Variants in MICU3 observed in about 807,000 individuals in gnomAD.
MICU3 encodes calcium uptake protein 3, mitochondrial.
A neutral mutation model predicts 66.5 loss-of-function variants in MICU3; 62 were observed. The ratio of observed to expected loss-of-function variants is 0.93; its 90% CI spans 0.76 to 1.15. The LOEUF is 1.15. Among genes scored for constraint, MICU3 ranks in the 50% most tolerant of loss-of-function variants. The pLI, the probability that MICU3 is intolerant of heterozygous loss-of-function variation, is 0.00. For missense variants in MICU3, 779 were observed against 664.4 expected, an observed-to-expected ratio of 1.17 and a Z score of -1.90; for synonymous variants, 308 against 240.7, an observed-to-expected ratio of 1.28 and a Z score of -2.59.
chr8:17,049,728 C>A (rs1024404053), intron 1 of MICU3: 3 of 490,224 alleles, frequency 6.1e-6, no homozygotes, highest in African/African-American at 5.9e-5. Context: ...GTCCCAGACC[C>A]ATTTGCTGCC....
chr8:17,039,325 G>A (rs181658014), intron 1 of MICU3, among the ~76,000 whole-genome samples: 32 of 152,308 alleles, frequency 2.1e-4, no homozygotes, highest in African/African-American at 7.2e-4. Flanking sequence ...TCCGAAGTAT[G>A]CCTGTAAATG....
the MICU3 span, among the ~76,000 whole-genome samples, chr8:17,135,594 C>T: frequency 2.0e-5 from 3 of 152,054 alleles, no homozygotes; most frequent in Non-Finnish European, 4.4e-5. Context: ...TTTGCCCTAT[C>T]TACATTATTG....
At chr8:17,093,002 T>G (rs890810108) in intron 8 of MICU3, among the ~76,000 whole-genome samples, 3 of 152,094 alleles carry the variant, frequency 2.0e-5, no homozygotes, top group Non-Finnish European at 4.4e-5. Flanking sequence ...CTCTGTGGTC[T>G]CTGTAGTGAA....
intron 8 of MICU3, 120 bp from the exon 9 acceptor site, chr8:17,098,338 A>G: frequency 1.3e-6 from 1 of 770,202 alleles, no homozygotes; most frequent in South Asian, 1.4e-5. Flanking sequence ...AAAACAAACA[A>G]ACAAAAAAAG....
At chr8:17,042,255 G>A (rs1029268099) in intron 1 of MICU3, among the ~76,000 whole-genome samples, 135 of 152,208 alleles carry the variant, frequency 8.9e-4, no homozygotes, top group African/African-American at 3.1e-3. Context: ...TGCAGATTTT[G>A]TTATTTTTGT....
chr8:17,112,366 G>C (rs1169579129), intron 11 of MICU3, among the ~76,000 whole-genome samples: 1 of 152,106 alleles, frequency 6.6e-6, no homozygotes, highest in Non-Finnish European at 1.5e-5. Context: ...TTCCATTCAA[G>C]TCCTGATGGT....
At chr8:17,128,889 TA>T in the MICU3 span, among the ~76,000 whole-genome samples, 6 of 152,142 alleles carry the variant, frequency 3.9e-5, no homozygotes, top group Non-Finnish European at 5.9e-5. Context: ...AAAATCTGCA[TA>T]GGGGTACTGT....
At chr8:17,118,855 A>G (rs1802947750) in intron 14 of MICU3, 80 bp downstream of exon 14, 10 of 806,782 alleles carry the variant, frequency 1.2e-5, no homozygotes, top group Non-Finnish European at 1.4e-5. Context: ...ACATTTAGAA[A>G]ATAGCTGAAA....
At chr8:17,073,761 G>A (rs1819956955) in intron 3 of MICU3, among the ~76,000 whole-genome samples, 1 of 152,018 alleles carries the variant, frequency 6.6e-6, no homozygotes, top group Admixed American at 6.6e-5. Flanking sequence ...CAATCATCAG[G>A]CAGGTGAATG....
chr8:17,027,367 C>G lies in MICU3; in HGVS notation c.88C>G (p.Arg30Gly). The G allele has an allele frequency of 6.7e-7, 1 of 1,494,280 alleles. No individual in the cohort carries two copies. The highest frequency in any genetic ancestry group is 8.8e-7 in the Non-Finnish European group (1 of 1,131,336). 92.6% of individuals were successfully genotyped at this position (1,494,280 alleles called of 1,614,324 possible). A position where few individuals can be genotyped will look rare whatever the true frequency, so the allele number is the denominator to read the frequency against. Residue 30 changes from arginine (R) to glycine (G), a missense_variant, in exon 1 of 15, where the codon CGG becomes GGG. Arg to Gly is a moderately radical substitution (Grantham distance 125). Coordinates refer to ENST00000318063, the MANE Select transcript of MICU3 (RefSeq NM_181723.3). The stretch of plus-strand genomic sequence containing the variant: ...CCAGCCCCTCCTTGGGCCGTGGGGG[C>G]GGCCTGCGGTGACCACCCTGGGCCT... ...AHQPLLGPWG[R>G]PAVTTLGLPG...
chr8:17,029,866 G>A (rs1215350140), intron 1 of MICU3, among the ~76,000 whole-genome samples: 26 of 151,782 alleles, frequency 1.7e-4, no homozygotes, highest in Admixed American at 1.7e-3. Context: ...TCTTTTTCTG[G>A]AAATGCTGTT....
intron 1 of MICU3, among the ~76,000 whole-genome samples, chr8:17,053,739 A>G (rs1173526582): frequency 6.6e-6 from 1 of 152,222 alleles, no homozygotes; most frequent in Non-Finnish European, 1.5e-5. Flanking sequence ...TTCAACGTAA[A>G]TTCTCATAAA....
intron 3 of MICU3, among the ~76,000 whole-genome samples, chr8:17,071,355 G>A (rs1819559663): frequency 6.6e-6 from 1 of 152,186 alleles, no homozygotes; most frequent in African/African-American, 2.4e-5. Flanking sequence ...TAGCTTTTAG[G>A]TAGCAATCTT....
At chr8:17,090,225 C>T (rs1054989920) in intron 7 of MICU3, among the ~76,000 whole-genome samples, 12 of 152,058 alleles carry the variant, frequency 7.9e-5, no homozygotes, top group African/African-American at 1.9e-4. Flanking sequence ...TGTAGCATTG[C>T]GGAAGCATGT....
rs116007555 is a variant in MICU3, at chr8:17,067,872, C to T, written c.536-1816C>T. 9.9e-3 allele frequency among the ~76,000 whole-genome samples: 1,501 copies of T among 151,936 alleles called. 33 individuals carry two copies. The highest frequency in any genetic ancestry group is 0.034 in the African/African-American group (1,408 of 41,430). Reference sequence around the variant, plus strand: ...CATTCAACAGGGAAAAAATGGTATGCTGTGTAAATATTTGCTTAAAAATTA... The same window carrying T: ...CATTCAACAGGGAAAAAATGGTATGTTGTGTAAATATTTGCTTAAAAATTA... On this transcript the variant is annotated intron_variant, in intron 2 of 14. Transcript: ENST00000318063.
intron 6 of MICU3, among the ~76,000 whole-genome samples, chr8:17,086,395 C>T (rs562554170): frequency 2.6e-5 from 4 of 152,218 alleles, no homozygotes; most frequent in African/African-American, 9.6e-5. Context: ...AACTCTCACC[C>T]ACGCAGCCCT....
intron 14 of MICU3, among the ~76,000 whole-genome samples, chr8:17,119,248 TTCTA>T: frequency 6.6e-6 from 1 of 152,316 alleles, no homozygotes; most frequent in East Asian, 1.9e-4. Flanking sequence ...TTAAGCTTCA[TTCTA>T]TCTTATTCAT....
chr8:17,110,977 C>A (rs1802155703), intron 11 of MICU3, among the ~76,000 whole-genome samples: 2 of 152,112 alleles, frequency 1.3e-5, no homozygotes, highest in Admixed American at 1.3e-4. Context: ...GTAAATACCA[C>A]AATTTGTTTA....
chr8:17,111,384 A>G (rs184951083), intron 11 of MICU3, among the ~76,000 whole-genome samples: 2 of 152,116 alleles, frequency 1.3e-5, no homozygotes, highest in Non-Finnish European at 2.9e-5. Context: ...GTGCAGTGGC[A>G]TGATCATACT....
Sources: gnomAD v4.1 joint callset for allele counts (sites outside exome capture counted in the v4.1 genomes callset) on GRCh38, gnomAD v4.1.1 for gene constraint, MANE v1.5 for transcripts, NCBI Gene and HGNC (gene_info 2026-07-23, HGNC 2026-07-21) for gene names.